SCHIP1: variants seen among roughly 807,000 people sequenced by gnomAD.
SCHIP1 encodes the protein schwannomin interacting protein 1.
SCHIP1 carries 8 observed loss-of-function variants against 29.7 expected under a neutral mutation model. The ratio of observed to expected loss-of-function variants is 0.27; its 90% confidence interval spans 0.16 to 0.49. SCHIP1 has a LOEUF of 0.49. Among genes scored for constraint, SCHIP1 ranks in the 20% least tolerant of loss-of-function variants. SCHIP1 has a pLI of 0.99. For missense variants in SCHIP1, 193 were observed against 294.6 expected (o/e 0.66, Z 2.52); for synonymous variants, 76 against 94.9 (o/e 0.80, Z 1.16).
chr3:159,575,212 G>C, the SCHIP1 span, among the ~76,000 whole-genome samples: 3 of 152,186 alleles, frequency 2.0e-5, no homozygotes, highest in African/African-American at 7.2e-5. Context: ...GCAGACCGGA[G>C]CTGTTCCTAT....
the SCHIP1 span, among the ~76,000 whole-genome samples, chr3:159,467,735 C>T: frequency 4.7e-3 from 712 of 152,130 alleles, 8 homozygotes; most frequent in African/African-American, 0.016. Flanking sequence ...CTAACCAAAC[C>T]TTTTAATTTA....
the SCHIP1 span, among the ~76,000 whole-genome samples, chr3:159,643,081 G>A: frequency 1.3e-5 from 2 of 151,862 alleles, no homozygotes; most frequent in African/African-American, 4.8e-5. Context: ...TTATGTGCTG[G>A]GTATTGTAAA....
the SCHIP1 span, among the ~76,000 whole-genome samples, chr3:159,718,580 C>T: frequency 3.9e-5 from 6 of 152,146 alleles, no homozygotes; most frequent in African/African-American, 1.4e-4. Flanking sequence ...CATTCTTATA[C>T]ACCAATAACA....
chr3:159,814,948 C>CT, the SCHIP1 span, among the ~76,000 whole-genome samples: 1 of 152,170 alleles, frequency 6.6e-6, no homozygotes, highest in Admixed American at 6.5e-5. Flanking sequence ...CTAGGCCAAA[C>CT]TAAGTTTAAT....
chr3:159,678,824 A>C, the SCHIP1 span, among the ~76,000 whole-genome samples: 1 of 152,388 alleles, frequency 6.6e-6, no homozygotes, highest in East Asian at 1.9e-4. Flanking sequence ...GGCAGAAGAC[A>C]GAATGAGTAT....
chr3:159,812,229 C>T, the SCHIP1 span, among the ~76,000 whole-genome samples: 2 of 151,950 alleles, frequency 1.3e-5, no homozygotes, highest in South Asian at 2.1e-4. Context: ...CCTTGGCCTC[C>T]GAAAGTGCTG....
chr3:159,409,293 T>G, the SCHIP1 span, among the ~76,000 whole-genome samples: 2 of 151,566 alleles, frequency 1.3e-5, no homozygotes, highest in African/African-American at 4.8e-5. Flanking sequence ...GCTAGAGCAA[T>G]CAGACAATAG....
the SCHIP1 span, among the ~76,000 whole-genome samples, chr3:159,752,714 T>G: frequency 6.6e-6 from 1 of 152,134 alleles, no homozygotes; most frequent in East Asian, 1.9e-4. Flanking sequence ...GGGATGGTGC[T>G]AATCCATTCC....
At chr3:159,854,716 G>A (rs1713115194) in intron 1 of SCHIP1, among the ~76,000 whole-genome samples, 1 of 152,162 alleles carries the variant, frequency 6.6e-6, no homozygotes, top group Non-Finnish European at 1.5e-5. Context: ...TCATACTTCT[G>A]CTATTTTCAG....
chr3:159,588,641 A>G, the SCHIP1 span, among the ~76,000 whole-genome samples: 3 of 152,206 alleles, frequency 2.0e-5, no homozygotes, highest in Non-Finnish European at 4.4e-5. Flanking sequence ...TAATTTTTGT[A>G]TAAGGTGTAA....
the SCHIP1 span, among the ~76,000 whole-genome samples, chr3:159,379,634 C>A: frequency 4.2e-5 from 6 of 142,114 alleles, no homozygotes; most frequent in African/African-American, 1.4e-4. Context: ...TAGTGTGCAA[C>A]ACCTACAAGT....
the SCHIP1 span, among the ~76,000 whole-genome samples, chr3:159,406,210 T>G: frequency 6.6e-6 from 1 of 151,646 alleles, no homozygotes; most frequent in Non-Finnish European, 1.5e-5. Context: ...AAGGAAAGGA[T>G]CCTAAAAGCA....
chr3:159,712,091 G>A, the SCHIP1 span, among the ~76,000 whole-genome samples: 1 of 152,100 alleles, frequency 6.6e-6, no homozygotes, highest in Non-Finnish European at 1.5e-5. Context: ...CAGGAACGCT[G>A]CTACAAAAAA....
chr3:159,432,286 A>ATGTG, the SCHIP1 span, among the ~76,000 whole-genome samples: 184 of 108,144 alleles, frequency 1.7e-3, 1 homozygote, highest in East Asian at 8.6e-3. Context: ...AGAGTAGGTG[A>ATGTG]TGTGTGTGTG....
chr3:159,310,293 T>C, the SCHIP1 span, among the ~76,000 whole-genome samples: 1 of 152,362 alleles, frequency 6.6e-6, no homozygotes, highest in East Asian at 1.9e-4. Flanking sequence ...ATATTATATT[T>C]GACATTTGCT....
At chr3:159,719,650 G>A in the SCHIP1 span, among the ~76,000 whole-genome samples, 1 of 152,162 alleles carries the variant, frequency 6.6e-6, no homozygotes, top group Non-Finnish European at 1.5e-5. Context: ...ATCATCACTG[G>A]CCATCAGAGA....
At chr3:159,652,812 T>G in the SCHIP1 span, among the ~76,000 whole-genome samples, 1 of 152,196 alleles carries the variant, frequency 6.6e-6, no homozygotes, top group Non-Finnish European at 1.5e-5. Flanking sequence ...AGGACTAGTT[T>G]GTAATGATAA....
At chr3:159,865,573 T>A (rs1714533832) in intron 1 of SCHIP1, among the ~76,000 whole-genome samples, 1 of 152,214 alleles carries the variant, frequency 6.6e-6, no homozygotes. Flanking sequence ...GAGATGAGGC[T>A]AGCTCTTGAA....
intron 1 of SCHIP1, among the ~76,000 whole-genome samples, chr3:159,843,169 T>C (rs1744435462): frequency 6.6e-6 from 1 of 151,544 alleles, no homozygotes; most frequent in African/African-American, 2.4e-5. Flanking sequence ...CCCGCCACCA[T>C]GCCCAGCTAA....
Sources: allele counts gnomAD v4.1 joint callset (sites outside exome capture counted in the v4.1 genomes callset), GRCh38; gene constraint gnomAD v4.1.1; transcripts MANE v1.5; gene names NCBI Gene and HGNC (gene_info 2026-07-23, HGNC 2026-07-21).